Variants in GSE1 observed in about 807,000 individuals in gnomAD.
GSE1 encodes Gse1 coiled-coil protein.
GSE1 carries 32 observed loss-of-function variants against 112.6 expected under a neutral mutation model. The ratio of observed to expected loss-of-function variants is 0.28; its 90% confidence interval spans 0.21 to 0.38. The LOEUF is 0.38. Among genes scored for constraint, GSE1 ranks in the 10% least tolerant of loss-of-function variants. The pLI, the probability that GSE1 is intolerant of heterozygous loss-of-function variation, is 1.00. For missense variants in GSE1, 2,348 were observed against 1,699.2 expected (o/e 1.38, Z -6.71); for synonymous variants, 1,115 against 735.6 (o/e 1.52, Z -8.35).
At chr16:85,578,720 T>A in intron 1 of GSE1, among the ~76,000 whole-genome samples, 1 of 152,220 alleles carries the variant, frequency 6.6e-6, no homozygotes, top group South Asian at 2.1e-4. Context: ...ATTCTCTGCC[T>A]CCACTACCCC....
At chr16:85,535,338 C>T (rs966055888) in intron 2 of GSE1, among the ~76,000 whole-genome samples, 6 of 152,246 alleles carry the variant, frequency 3.9e-5, no homozygotes, top group Non-Finnish European at 5.9e-5. Flanking sequence ...CCCTTGTCTG[C>T]GGCCACAGCC....
At chr16:85,305,478 TTG>T (rs1470453495) in intron 1 of GSE1, among the ~76,000 whole-genome samples, 1 of 149,060 alleles carries the variant, frequency 6.7e-6, no homozygotes, top group African/African-American at 2.6e-5. Flanking sequence ...TTTTTTTTTT[TTG>T]TTTGTTTGTT....
At chr16:85,251,807 C>T (rs901408058) in intron 1 of GSE1, among the ~76,000 whole-genome samples, 1 of 152,330 alleles carries the variant, frequency 6.6e-6, no homozygotes, top group Admixed American at 6.5e-5. Flanking sequence ...GACTGGCACC[C>T]GGCTCCTGTC....
At chr16:85,426,110 GAAGGAAGGAAGGAAGGGTAGATGTATGT>G (rs2048978258) in intron 2 of GSE1, among the ~76,000 whole-genome samples, 3 of 14,250 alleles carry the variant, frequency 2.1e-4, no homozygotes, top group Non-Finnish European at 1.4e-3. Flanking sequence ...AGGGAGGAAG[GAAGGAAGGAAGGAAGGGTAGATGTATGT>G]ATGGATGGAT....
At chr16:85,230,609 C>G (rs1192505152) in intron 1 of GSE1, among the ~76,000 whole-genome samples, 1 of 152,212 alleles carries the variant, frequency 6.6e-6, no homozygotes, top group African/African-American at 2.4e-5. Context: ...CGGAGATGGC[C>G]ACCAGCAGTT....
intron 1 of GSE1, among the ~76,000 whole-genome samples, chr16:85,238,175 C>T (rs1247933369): frequency 2.0e-5 from 3 of 152,140 alleles, no homozygotes; most frequent in Non-Finnish European, 2.9e-5. Flanking sequence ...CGGGAGGTGG[C>T]GTCCTGCTAT....
At chr16:85,658,010 A>C (rs1425926190) in intron 8 of GSE1, among the ~76,000 whole-genome samples, 1 of 152,242 alleles carries the variant, frequency 6.6e-6, no homozygotes, top group Non-Finnish European at 1.5e-5. Flanking sequence ...AGAAGGGGAC[A>C]GCTTTTGATT....
At chr16:85,268,906 G>A (rs1908541602) in intron 1 of GSE1, among the ~76,000 whole-genome samples, 1 of 125,966 alleles carries the variant, frequency 7.9e-6, no homozygotes, top group Non-Finnish European at 2.0e-5. Context: ...CTACTTGAGG[G>A]GGGACCAGGG....
intron 2 of GSE1, among the ~76,000 whole-genome samples, chr16:85,506,027 T>A (rs2051523880): frequency 6.6e-6 from 1 of 150,900 alleles, no homozygotes; most frequent in Non-Finnish European, 1.5e-5. Flanking sequence ...AGGTTTGGAG[T>A]GCCTCCTGAA....
rs531564184 is a variant in GSE1, at chr16:85,293,413, G to C, written c.2284-64050G>C. Among the ~76,000 whole-genome samples the C allele has an allele frequency of 1.7e-4, 26 of 152,250 alleles. 1 individual carries two copies. The South Asian group carries it at 5.2e-3, about 30-fold the overall frequency. ...ATACAAAAATCAGCTGGGCGTGGTG[G>C]TGTGTGCCCGTAATCCCAGCAACTC... On this transcript the variant is annotated intron_variant, in intron 1 of 2. Transcript: ENST00000637419.
chr16:85,535,539 C>T (rs901320693), intron 2 of GSE1, among the ~76,000 whole-genome samples: 2 of 152,168 alleles, frequency 1.3e-5, no homozygotes, highest in Non-Finnish European at 2.9e-5. Flanking sequence ...TATCTGGGCC[C>T]GGGAGAGAGG....
chr16:85,237,567 G>T (rs955753414), intron 1 of GSE1, among the ~76,000 whole-genome samples: 1 of 151,716 alleles, frequency 6.6e-6, no homozygotes, highest in Non-Finnish European at 1.5e-5. Context: ...GGCTGGGCAC[G>T]GTGGCTCACA....
chr16:85,462,565 A>ACGGCGGAGCCTTAATTAGCAG (rs1194490337), intron 2 of GSE1, among the ~76,000 whole-genome samples: 1 of 151,662 alleles, frequency 6.6e-6, no homozygotes, highest in African/African-American at 2.4e-5. Flanking sequence ...TTGAACTGTC[A>ACGGCGGAGCCTTAATTAGCAG]CGGCGGAGCC....
chr16:85,334,656 C>T (rs1399138688), intron 1 of GSE1, among the ~76,000 whole-genome samples: 1 of 152,170 alleles, frequency 6.6e-6, no homozygotes, highest in Non-Finnish European at 1.5e-5. Flanking sequence ...ATGTGTGACC[C>T]ATGGAGGGAA....
At chr16:85,365,568 G>A (rs548713285) in intron 2 of GSE1, among the ~76,000 whole-genome samples, 7 of 152,316 alleles carry the variant, frequency 4.6e-5, no homozygotes, top group African/African-American at 7.2e-5. Context: ...CTTGGGGAGC[G>A]TCCTTGGGGA....
chr16:85,173,841 AG>A (rs1254075521), intron 1 of GSE1, among the ~76,000 whole-genome samples: 1 of 152,196 alleles, frequency 6.6e-6, no homozygotes, highest in African/African-American at 2.4e-5. Context: ...TCTGCCCAGA[AG>A]GGGTCAGCAT....
intron 2 of GSE1, among the ~76,000 whole-genome samples, chr16:85,464,330 C>A (rs933649875): frequency 6.6e-6 from 1 of 152,166 alleles, no homozygotes; most frequent in East Asian, 1.9e-4. Flanking sequence ...CCAGCGCTCT[C>A]CTGGGGGGCC....
intron 1 of GSE1, among the ~76,000 whole-genome samples, chr16:85,619,640 A>G (rs2048603954): frequency 6.6e-6 from 1 of 152,154 alleles, no homozygotes; most frequent in African/African-American, 2.4e-5. Context: ...GGATTTAGTA[A>G]CCAGATGGGA....
At chr16:85,259,500 C>T (rs1907443643) in intron 1 of GSE1, among the ~76,000 whole-genome samples, 2 of 152,254 alleles carry the variant, frequency 1.3e-5, no homozygotes, top group African/African-American at 4.8e-5. Flanking sequence ...GGGCTGGAGG[C>T]CCTCACGGCC....
Sources: allele counts gnomAD v4.1 joint callset (sites outside exome capture counted in the v4.1 genomes callset), GRCh38; gene constraint gnomAD v4.1.1; transcripts MANE v1.5; gene names NCBI Gene and HGNC (gene_info 2026-07-23, HGNC 2026-07-21).